CASP5: variants seen among roughly 807,000 people sequenced by gnomAD.
The protein encoded by CASP5 is caspase 5.
Under a neutral mutation model 45.2 loss-of-function variants are expected in CASP5, and 42 were observed. The observed-to-expected ratio is 0.93, with a 90% CI of 0.73 to 1.20. The LOEUF is 1.20. Ranked by LOEUF, CASP5 falls within the 50% of genes most tolerant of loss-of-function variation. CASP5 has a pLI of 0.00. For missense variants in CASP5, 512 were observed against 532.2 expected, an observed-to-expected ratio of 0.96 and a Z score of 0.37; for synonymous variants, 209 against 186.2, an observed-to-expected ratio of 1.12 and a Z score of -1.00.
chr11:105,005,356 A>ATATG (rs1217061695), intron 3 of CASP5, among the ~76,000 whole-genome samples: 3 of 139,248 alleles, frequency 2.2e-5, no homozygotes, highest in African/African-American at 5.8e-5. Context: ...GTATATATAT[A>ATATG]TGTGTGTGTG....
At chr11:105,021,328 G>T (rs1862948974) in intron 1 of CASP5, among the ~76,000 whole-genome samples, 1 of 145,136 alleles carries the variant, frequency 6.9e-6, no homozygotes, top group African/African-American at 2.5e-5. Context: ...TTAAACTAAA[G>T]AGCTTCTACA....
At chr11:105,016,602 G>C (rs1172598574) in intron 1 of CASP5, among the ~76,000 whole-genome samples, 3 of 150,954 alleles carry the variant, frequency 2.0e-5, no homozygotes, top group Admixed American at 6.6e-5. Context: ...TTTTCCAACC[G>C]GCTTAAAAAA....
At chr11:105,006,021 T>G (rs1861984535) in intron 3 of CASP5, among the ~76,000 whole-genome samples, 1 of 152,180 alleles carries the variant, frequency 6.6e-6, no homozygotes, top group Non-Finnish European at 1.5e-5. Flanking sequence ...TTTATGTTGC[T>G]TTATGTTCAT....
intron 1 of CASP5, among the ~76,000 whole-genome samples, chr11:105,016,637 C>T (rs957117807): frequency 6.6e-6 from 1 of 152,250 alleles, no homozygotes; most frequent in African/African-American, 2.4e-5. Flanking sequence ...ATATCCTGCA[C>T]CTGGCTCGGA....
rs113741374 is a variant in CASP5 at position 105,001,897 on chromosome 11, T to TAC, written c.717+129_717+130dup. On this transcript the variant is annotated intron_variant, in intron 5 of 9. Coordinates refer to ENST00000260315, the MANE Select transcript of CASP5 (RefSeq NM_004347.5). ...TCATTTGCTAGTGCATGTGCGCATG[T>TAC]ACACACACACACACACACGCACACG... 3.3e-3 allele frequency: 2,392 copies of TAC among 719,728 alleles called. 13 individuals carry two copies. The highest frequency in any genetic ancestry group is 0.025 in the African/African-American group (1,351 of 54,016). 44.6% of individuals were successfully genotyped at this position (719,728 alleles called of 1,614,324 possible).
In CASP5 at chr11:105,007,264, A is replaced by T. The variant is rs1862051563; in HGVS notation, c.252T>A (p.Phe84Leu). ...GAACATCGTGTTTTGCCAAATAATTAAAAACACCATGAAGAACATCTTTGC... is the reference window on the plus strand; with the variant it reads ...GAACATCGTGTTTTGCCAAATAATTTAAAACACCATGAAGAACATCTTTGC... ...YLGKDVLHGV[F>L]NYLAKHDVLT... Residue 84 changes from phenylalanine to leucine, a missense_variant, in exon 3 of 10, where the codon TTT becomes TTA. Coordinates refer to ENST00000260315, the MANE Select transcript of CASP5 (RefSeq NM_004347.5). The T allele has an allele frequency of 1.2e-6, 2 of 1,611,950 alleles. 1 individual carries two copies. The highest frequency in any genetic ancestry group is 2.2e-5 in the South Asian group (2 of 91,044).
At chr11:105,004,309 T>G (rs1222925330) in intron 3 of CASP5, among the ~76,000 whole-genome samples, 1 of 152,194 alleles carries the variant, frequency 6.6e-6, no homozygotes, top group Non-Finnish European at 1.5e-5. Flanking sequence ...TTTTATAATG[T>G]GAGGAAATAA....
chr11:105,016,690 G>T (rs538362529), intron 1 of CASP5, among the ~76,000 whole-genome samples: 15 of 152,336 alleles, frequency 9.8e-5, no homozygotes, highest in African/African-American at 3.4e-4. Flanking sequence ...TAGCACAGCA[G>T]TCTGAGATCA....
In CASP5 at chr11:105,002,155, A is replaced by G; in HGVS notation, c.590T>C (p.Ile197Thr). 1 of 1,614,108 alleles carries G rather than the reference A, an allele frequency of 6.2e-7. No individual in the cohort carries two copies. Among genetic ancestry groups the G allele is most frequent in the African/African-American group, 1.3e-5 (1 of 75,040 alleles). ...KREDRRRLALIICNTKFDHLP... is the reference protein window; with the variant it reads ...KREDRRRLALTICNTKFDHLP... ...GTGATCAAACTTTGTATTGCATATGATGAGAGCCAGGCGTCTGCGGTCCTC... is the reference window on the plus strand; with the variant it reads ...GTGATCAAACTTTGTATTGCATATGGTGAGAGCCAGGCGTCTGCGGTCCTC... The change falls in exon 5 of 10, where the codon ATC becomes ACC. Residue 197 changes from isoleucine (I) to threonine (T), a missense_variant. Physicochemically the swap from Ile to Thr is moderately conservative, Grantham distance 89. Coordinates refer to ENST00000260315, the MANE Select transcript of CASP5 (RefSeq NM_004347.5).
At chr11:104,995,200 T>C (rs796474475) in intron 9 of CASP5, 9 of 152,462 alleles carry the variant, frequency 5.9e-5, no homozygotes, top group African/African-American at 2.2e-4. Context: ...TTTCAGATTG[T>C]CTGTGAGTCT....
intron 1 of CASP5, 93 bp from the exon 2 acceptor site, chr11:105,009,073 T>A: frequency 2.9e-6 from 3 of 1,043,386 alleles, no homozygotes; most frequent in Non-Finnish European, 4.3e-6. Flanking sequence ...GAAACACCCT[T>A]GAAAATACAT....
rs766107398 is a variant in CASP5 at position 105,002,202 on chromosome 11, C to T, written c.544-1G>A. 1.9e-6 allele frequency: 3 copies of T among 1,613,358 alleles called. No individual in the cohort carries two copies. Among genetic ancestry groups the T allele is most frequent in the Non-Finnish European group, 2.5e-6 (3 of 1,179,660 alleles). On this transcript the variant is annotated splice_acceptor_variant, in intron 4 of 9. Coordinates refer to ENST00000260315, the MANE Select transcript of CASP5 (RefSeq NM_004347.5). LOFTEE classifies it high-confidence loss of function. Reference sequence around the variant, plus strand: ...CCTCTCTCTTTTTTATTGGATAGATCTGCAGGAGATGGAGATGAAGCAACT... The same window carrying T: ...CCTCTCTCTTTTTTATTGGATAGATTTGCAGGAGATGGAGATGAAGCAACT...
At chr11:105,021,119 A>G (rs943554229) in intron 1 of CASP5, among the ~76,000 whole-genome samples, 14 of 152,112 alleles carry the variant, frequency 9.2e-5, no homozygotes, top group African/African-American at 3.4e-4. Context: ...TAGAAAGCTG[A>G]AACTGGATCC....
chr11:105,020,926 A>G (rs1406147961), intron 1 of CASP5, among the ~76,000 whole-genome samples: 1 of 152,146 alleles, frequency 6.6e-6, no homozygotes, highest in Non-Finnish European at 1.5e-5. Flanking sequence ...AAGCTACAGT[A>G]ACCAAAACAG....
At chr11:105,020,960 G>A (rs1193551976) in intron 1 of CASP5, among the ~76,000 whole-genome samples, 2 of 152,014 alleles carry the variant, frequency 1.3e-5, no homozygotes, top group Non-Finnish European at 2.9e-5. Flanking sequence ...CCAACACAGA[G>A]ATATAGATCA....
rs1591172868 is a variant in CASP5, at chr11:105,013,613, C to G, written c.8-4633G>C. Among the ~76,000 whole-genome samples, 5 of 152,060 alleles carry G rather than the reference C, an allele frequency of 3.3e-5. No individual in the cohort carries two copies. In the South Asian group the frequency reaches 8.3e-4, roughly 25 times the overall value. The stretch of plus-strand genomic sequence containing the variant: ...AGCCTCTTTTCATAATCTATAAATT[C>G]TCATAGCATCAATTATAAGTTTAAA... On this transcript the variant is annotated intron_variant, in intron 1 of 9. Coordinates refer to ENST00000260315, the MANE Select transcript of CASP5 (RefSeq NM_004347.5).
intron 3 of CASP5, among the ~76,000 whole-genome samples, chr11:105,004,538 C>G (rs1861910421): frequency 6.6e-6 from 1 of 152,008 alleles, no homozygotes; most frequent in Non-Finnish European, 1.5e-5. Flanking sequence ...GACAAGTATA[C>G]TTTTATGTTT....
At chr11:105,011,842 T>C (rs1424446174) in intron 1 of CASP5, among the ~76,000 whole-genome samples, 1 of 151,726 alleles carries the variant, frequency 6.6e-6, no homozygotes, top group Non-Finnish European at 1.5e-5. Context: ...TTGGAAAATA[T>C]TACATTATTA....
At chr11:105,014,427 C>A (rs942293337) in intron 1 of CASP5, among the ~76,000 whole-genome samples, 3 of 151,974 alleles carry the variant, frequency 2.0e-5, no homozygotes, top group Admixed American at 6.6e-5. Flanking sequence ...CAGCCTAATT[C>A]TCAGCATCCA....
Sources: allele counts gnomAD v4.1 joint callset (sites outside exome capture counted in the v4.1 genomes callset), GRCh38; gene constraint gnomAD v4.1.1; transcripts MANE v1.5; gene names NCBI Gene and HGNC (gene_info 2026-07-23, HGNC 2026-07-21).